RGCC: variants seen among roughly 807,000 people sequenced by gnomAD.
RGCC encodes the protein regulator of cell cycle, also known as regulator of cell cycle RGCC.
RGCC carries 15 observed loss-of-function variants against 15.4 expected under a neutral mutation model. That is an observed-to-expected ratio of 0.97 (90% CI 0.65 to 1.50). The LOEUF (loss-of-function observed/expected upper bound fraction) is 1.50, where lower values mean the gene tolerates loss of function less well. Ranked by LOEUF, RGCC falls within the 40% of genes most tolerant of loss-of-function variation. The pLI, the probability that RGCC is intolerant of heterozygous loss-of-function variation, is 0.00. For missense variants in RGCC, 176 were observed against 189.7 expected (o/e 0.93, Z 0.42); for synonymous variants, 81 against 78.0 (o/e 1.04, Z -0.20).
chr13:41,466,992 C>T, intron 3 of RGCC, 62 bp downstream of exon 3: 1 of 1,005,432 alleles, frequency 9.9e-7, no homozygotes, highest in Admixed American at 1.7e-5. Flanking sequence ...TTCTCAATCC[C>T]TTCTCTGTCC....
Position 41,470,573 on chromosome 13 carries a change from C to A in RGCC, c.*88C>A. 1 of 1,326,464 alleles carries A rather than the reference C, an allele frequency of 7.5e-7. No individual in the cohort carries two copies. Among genetic ancestry groups the A allele is most frequent in the Non-Finnish European group, 1.1e-6 (1 of 918,522 alleles). The allele number at this position is 1,326,464 out of a possible 1,614,324, so 82.2% of individuals were successfully genotyped here. A position where few individuals can be genotyped will look rare whatever the true frequency, so the allele number is the denominator to read the frequency against. ...TAAAATCAGCTACTAGAATCTGCTG[C>A]CAGAGGGGACAAAGACGTGCACTCA... On this transcript the variant is annotated 3_prime_UTR_variant, in exon 5 of 5. Coordinates refer to ENST00000379359, the MANE Select transcript of RGCC (RefSeq NM_014059.3).
At chr13:41,469,292 TAATAAGAAGAAGAAG>T (rs1315177890) in intron 4 of RGCC, among the ~76,000 whole-genome samples, 9,248 of 81,648 alleles carry the variant, frequency 0.11, 342 homozygotes, top group South Asian at 0.17. Context: ...ATAATAATAA[TAATAAGAAGAAGAAG>T]AAGAAGAAGA....
At chr13:41,462,111 A>G (rs1279058211) in intron 2 of RGCC, among the ~76,000 whole-genome samples, 1 of 152,226 alleles carries the variant, frequency 6.6e-6, no homozygotes, top group African/African-American at 2.4e-5. Flanking sequence ...TCCCTGTGGC[A>G]AAAGGGAGGT....
chr13:41,460,454 G>C (rs2043815580), intron 2 of RGCC, among the ~76,000 whole-genome samples: 1 of 152,198 alleles, frequency 6.6e-6, no homozygotes, highest in Non-Finnish European at 1.5e-5. Flanking sequence ...GATAATAACA[G>C]CAGCTCACTT....
intron 3 of RGCC, among the ~76,000 whole-genome samples, chr13:41,467,398 T>C (rs2043854201): frequency 6.6e-6 from 1 of 152,258 alleles, no homozygotes; most frequent in Non-Finnish European, 1.5e-5. Context: ...TAAGCTATGA[T>C]CTAACATGAT....
chr13:41,463,128 A>G (rs1593576795), intron 2 of RGCC, among the ~76,000 whole-genome samples: 1 of 152,234 alleles, frequency 6.6e-6, no homozygotes, highest in African/African-American at 2.4e-5. Context: ...CTAACAAGGA[A>G]GAAACAGAGT....
At chr13:41,469,569 C>T (rs1167457753) in intron 4 of RGCC, among the ~76,000 whole-genome samples, 1 of 152,154 alleles carries the variant, frequency 6.6e-6, no homozygotes, top group Non-Finnish European at 1.5e-5. Flanking sequence ...TCTTCCATCC[C>T]ATGGGCCAGG....
At chr13:41,467,204 A>T (rs958470663) in intron 3 of RGCC, among the ~76,000 whole-genome samples, 1 of 152,222 alleles carries the variant, frequency 6.6e-6, no homozygotes, top group African/African-American at 2.4e-5. Context: ...CTCTCATGTG[A>T]TGTAATCAAG....
chr13:41,465,561 T>C (rs1024581526), intron 2 of RGCC, among the ~76,000 whole-genome samples: 1 of 134,060 alleles, frequency 7.5e-6, no homozygotes. Context: ...ATGTACTAGC[T>C]CAAAGGCACC....
intron 2 of RGCC, 36 bp from the exon 3 acceptor site, chr13:41,466,787 T>A: frequency 2.2e-6 from 3 of 1,335,822 alleles, no homozygotes; most frequent in Non-Finnish European, 3.2e-6. Flanking sequence ...ATCTCATGAG[T>A]ACTATTTCTA....
chr13:41,466,973 CCT>C (rs759506519), intron 3 of RGCC, 43 bp downstream of exon 3: 2 of 1,235,386 alleles, frequency 1.6e-6, no homozygotes. Context: ...CTTTTTTATT[CCT>C]CTCTCCTTCT....
chr13:41,460,973 A>T (rs566825672), intron 2 of RGCC, among the ~76,000 whole-genome samples: 1 of 152,304 alleles, frequency 6.6e-6, no homozygotes, highest in East Asian at 1.9e-4. Flanking sequence ...ATTATCATTA[A>T]AAAAAATTTA....
At chr13:41,464,906 T>C (rs1216987996) in intron 2 of RGCC, among the ~76,000 whole-genome samples, 1 of 150,194 alleles carries the variant, frequency 6.7e-6, no homozygotes, top group African/African-American at 2.5e-5. Flanking sequence ...GTGGACAAGA[T>C]GGCGGTGTCA....
At chr13:41,467,575 CT>C (rs1163553080) in intron 3 of RGCC, among the ~76,000 whole-genome samples, 1 of 152,146 alleles carries the variant, frequency 6.6e-6, no homozygotes, top group Admixed American at 6.5e-5. Context: ...ACAAAAGGAG[CT>C]TTTTTTCTTA....
chr13:41,468,823 G>A lies in RGCC; in HGVS notation c.391G>A (p.Asp131Asn), dbSNP rs778444958. ...KELEAFIADL[D>N]KTLASM Reference sequence around the variant, plus strand: ...GCTAGAAGCCTTCATTGCTGATCTTGACAAAACTTTAGCAAGTAAGTACAT... The same window carrying A: ...GCTAGAAGCCTTCATTGCTGATCTTAACAAAACTTTAGCAAGTAAGTACAT... Residue 131 changes from aspartate (D) to asparagine (N), a missense_variant, in exon 4 of 5, where the codon GAC becomes AAC. Asp to Asn is a conservative substitution (Grantham distance 23). Coordinates refer to ENST00000379359, the MANE Select transcript of RGCC (RefSeq NM_014059.3). The A allele has an allele frequency of 3.1e-6, 5 of 1,606,182 alleles. No individual in the cohort carries two copies. The South Asian group carries it at 3.3e-5, about 11-fold the overall frequency.
chr13:41,459,878 G>C (rs1464958854), intron 2 of RGCC, among the ~76,000 whole-genome samples: 1 of 152,222 alleles, frequency 6.6e-6, no homozygotes, highest in African/African-American at 2.4e-5. Context: ...GTGTGTCGCT[G>C]CTGCTCTGTG....
At position 41,457,665 on chromosome 13, in the gene RGCC, C is replaced by T. The variant is rs2043799014; in HGVS notation, c.-43C>T. The T allele has an allele frequency of 6.7e-7, 1 of 1,502,258 alleles. No individual in the cohort carries two copies. Among genetic ancestry groups the T allele is most frequent in the Non-Finnish European group, 8.9e-7 (1 of 1,127,076 alleles). 93.1% of individuals were successfully genotyped at this position (1,502,258 alleles called of 1,614,324 possible). A position where few individuals can be genotyped will look rare whatever the true frequency, so the allele number is the denominator to read the frequency against. On this transcript the variant is annotated 5_prime_UTR_variant, in exon 1 of 5. Transcript: ENST00000379359. The surrounding 1 kb of genome is among the most constrained non-coding windows in gnomAD (Gnocchi z 4.9). ...CCGAATAGCCCCGGCTGCCACCTCG[C>T]AGGACCCAAGGCCACGCGCGCCGGG... is the stretch of plus-strand genomic sequence containing the variant.
At chr13:41,466,344 G>A (rs536448371) in intron 2 of RGCC, among the ~76,000 whole-genome samples, 5 of 151,754 alleles carry the variant, frequency 3.3e-5, no homozygotes, top group Admixed American at 1.3e-4. Flanking sequence ...CCCCTGTCTC[G>A]AATCATTTTG....
chr13:41,458,363 C>G lies in RGCC; in HGVS notation c.128C>G (p.Ala43Gly). Residue 43 changes from alanine to glycine, a missense_variant, in exon 2 of 5, where the codon GCG becomes GGG. Coordinates refer to ENST00000379359, the MANE Select transcript of RGCC (RefSeq NM_014059.3). The surrounding 1 kb of genome is among the most constrained non-coding windows in gnomAD (Gnocchi z 4.4). ...CEFDAVLADF[A>G]SPFHERHFHY... ...TTTGACGCGGTGCTGGCCGACTTCG[C>G]GTCGCCCTTCCACGAGCGCCACTTC... is the stretch of plus-strand genomic sequence containing the variant. 6.3e-7 allele frequency: 1 copy of G among 1,594,108 alleles called. No individual in the cohort carries two copies. The highest frequency in any genetic ancestry group is 8.5e-7 in the Non-Finnish European group (1 of 1,176,208).
Sources: allele counts gnomAD v4.1 joint callset (sites outside exome capture counted in the v4.1 genomes callset), GRCh38; gene constraint gnomAD v4.1.1; non-coding constraint Gnocchi (gnomAD v3.1); transcripts MANE v1.5; gene names NCBI Gene and HGNC (gene_info 2026-07-23, HGNC 2026-07-21).